CHST10: variants seen among roughly 807,000 people sequenced by gnomAD.
CHST10 encodes carbohydrate sulfotransferase 10.
In CHST10, 24 loss-of-function variants were observed where a neutral mutation model predicts 34.7. The observed-to-expected ratio is 0.69, with a 90% confidence interval of 0.50 to 0.97. CHST10 has a LOEUF of 0.97. Ranked by LOEUF, CHST10 falls within the 50% of genes least tolerant of loss-of-function variation. The pLI is 0.00. For synonymous variants in CHST10, 161 were observed against 169.3 expected, an observed-to-expected ratio of 0.95 and a Z score of 0.38; for missense variants, 402 against 452.1, an observed-to-expected ratio of 0.89 and a Z score of 1.00.
rs6759686 is a variant in CHST10, at chr2:100,393,026, G to T, written c.*219C>A. On this transcript the variant is annotated 3_prime_UTR_variant, in exon 7 of 7. Coordinates refer to ENST00000264249, the MANE Select transcript of CHST10 (RefSeq NM_004854.5). ...AAAGGCCAGCGACATCCTAATGCAC[G>T]CAGGGGTGTGGGCAGGGTCCTCAGA... The T allele has an allele frequency of 0.014, 8,030 of 584,944 alleles. 479 individuals are homozygous for T. The highest frequency in any genetic ancestry group is 0.13 in the African/African-American group (7,072 of 53,642). 36.2% of individuals were successfully genotyped at this position (584,944 alleles called of 1,614,324 possible). A position where few individuals can be genotyped will look rare whatever the true frequency, so the allele number is the denominator to read the frequency against.
chr2:100,402,901 G>T (rs1675407943), intron 3 of CHST10, among the ~76,000 whole-genome samples: 1 of 152,160 alleles, frequency 6.6e-6, no homozygotes, highest in Non-Finnish European at 1.5e-5. Context: ...ACTCAAAGTG[G>T]ATCACAGACC....
In CHST10 at chr2:100,393,311, C is replaced by A. The variant is rs753016336; in HGVS notation, c.1005G>T (p.Leu335=). The A allele has an allele frequency of 6.2e-7, 1 of 1,614,214 alleles. No individual in the cohort carries two copies. Among genetic ancestry groups the A allele is most frequent in the South Asian group, 1.1e-5 (1 of 91,084 alleles). The change falls in exon 7 of 7, where the codon CTG becomes CTT. Residue 335 remains leucine, a synonymous_variant. Transcript: ENST00000264249. ...TAAAGTCCCCTTCGAAACGGGCATA[C>A]AGGCGTCGGATGTCTCGTTTGCTGA... ...LGISKRDIRR[L]YARFEGDFKL... is the part of the protein sequence containing the mutation.
chr2:100,415,002 G>A, intron 2 of CHST10, 39 bp downstream of exon 2: 1 of 1,268,364 alleles, frequency 7.9e-7, no homozygotes, highest in Non-Finnish European at 1.0e-6. Flanking sequence ...TGAATGGCAT[G>A]CTCAAATAAC....
In CHST10 at chr2:100,417,629, A is replaced by ACGCGGCCCCCTCG. The variant is rs1420483717; in HGVS notation, c.-372_-360dup. 4 of 150,746 alleles carry ACGCGGCCCCCTCG rather than the reference A, an allele frequency of 2.7e-5. No homozygotes were observed. The highest frequency in any genetic ancestry group is 9.7e-5 in the African/African-American group (4 of 41,226). 9.3% of individuals were successfully genotyped at this position (150,746 alleles called of 1,614,324 possible). A position where few individuals can be genotyped will look rare whatever the true frequency, so the allele number is the denominator to read the frequency against. ...GGGGCCAGAACGCCGGCACCGCCTC[A>ACGCGGCCCCCTCG]CGCGGCCCCCTCGCGCCTATCCGGC... On this transcript the variant is annotated 5_prime_UTR_variant, in exon 1 of 7. Transcript: ENST00000264249.
At position 100,393,081 on chromosome 2, in the gene CHST10, G is replaced by T. The variant is rs1029600547; in HGVS notation, c.*164C>A. 3.0e-6 allele frequency: 2 copies of T among 673,050 alleles called. No individual in the cohort carries two copies. The highest frequency in any genetic ancestry group is 5.1e-6 in the Non-Finnish European group (2 of 395,874). 41.7% of individuals were successfully genotyped at this position (673,050 alleles called of 1,614,324 possible). A position where few individuals can be genotyped will look rare whatever the true frequency, so the allele number is the denominator to read the frequency against. On this transcript the variant is annotated 3_prime_UTR_variant, in exon 7 of 7. Transcript: ENST00000264249. Reference sequence around the variant, plus strand: ...CTTACATCCAAACTAAGTTGTAACAGTTGGGGTTCTGCGTCATATGCCGAG... The same window carrying T: ...CTTACATCCAAACTAAGTTGTAACATTTGGGGTTCTGCGTCATATGCCGAG...
At chr2:100,395,392 G>T in intron 6 of CHST10, 117 bp downstream of exon 6, 1 of 789,494 alleles carries the variant, frequency 1.3e-6, no homozygotes, top group Non-Finnish European at 2.1e-6. Context: ...CAAACCGACA[G>T]CCCTCTGTGG....
intron 6 of CHST10, 105 bp downstream of exon 6, chr2:100,395,404 C>T: frequency 1.1e-6 from 1 of 939,362 alleles, no homozygotes; most frequent in Non-Finnish European, 1.6e-6. Flanking sequence ...CCTCTGTGGT[C>T]CTCCGATCAA....
rs747588925 is a variant in CHST10 at position 100,398,160 on chromosome 2, C to A, written c.193-18G>T. 6.3e-7 allele frequency: 1 copy of A among 1,587,664 alleles called. No individual in the cohort carries two copies. On this transcript the variant is annotated intron_variant, in intron 4 of 6. Transcript: ENST00000264249. ...CCAGTTGGCTGCAGGTGACACAGAG[C>A]AGAAGAGGCCCAGGGACCATTAAAG... is the stretch of plus-strand genomic sequence containing the variant.
chr2:100,411,518 C>T (rs1675840940), intron 2 of CHST10, among the ~76,000 whole-genome samples: 1 of 152,230 alleles, frequency 6.6e-6, no homozygotes, highest in African/African-American at 2.4e-5. Context: ...ATACCCACTT[C>T]CCTCAGGTCC....
chr2:100,410,088 T>C (rs1199366088), intron 2 of CHST10, among the ~76,000 whole-genome samples: 1 of 152,168 alleles, frequency 6.6e-6, no homozygotes, highest in Non-Finnish European at 1.5e-5. Flanking sequence ...CCCAGGCCCC[T>C]ATCAGCATTT....
intron 4 of CHST10, among the ~76,000 whole-genome samples, chr2:100,398,428 G>A (rs560579444): frequency 1.7e-4 from 26 of 152,184 alleles, no homozygotes; most frequent in African/African-American, 6.0e-4. Context: ...AAATAAGGCC[G>A]GGCACAGTGG....
intron 4 of CHST10, among the ~76,000 whole-genome samples, chr2:100,401,804 C>A (rs748686947): frequency 6.6e-6 from 1 of 152,178 alleles, no homozygotes; most frequent in Non-Finnish European, 1.5e-5. Context: ...AATTTATCAT[C>A]CTTACACTGT....
intron 1 of CHST10, chr2:100,416,261 T>C (rs1213212197): frequency 6.6e-6 from 1 of 152,244 alleles, no homozygotes; most frequent in Non-Finnish European, 1.5e-5. Context: ...TGAAAAATGA[T>C]CCGAATATAA....
intron 2 of CHST10, chr2:100,408,523 G>A (rs1675681957): frequency 6.6e-6 from 1 of 152,098 alleles, no homozygotes; most frequent in Non-Finnish European, 1.5e-5. Flanking sequence ...AGACAATGTA[G>A]ACAAAAAACC....
At chr2:100,403,910 T>G (rs1415472442) in intron 3 of CHST10, among the ~76,000 whole-genome samples, 2 of 152,194 alleles carry the variant, frequency 1.3e-5, no homozygotes, top group Non-Finnish European at 2.9e-5. Context: ...GGACACACTC[T>G]CTAAAGCACA....
intron 4 of CHST10, among the ~76,000 whole-genome samples, chr2:100,402,077 C>T (rs1440612791): frequency 1.3e-5 from 2 of 152,230 alleles, no homozygotes; most frequent in Non-Finnish European, 2.9e-5. Context: ...GGGTGGAAGT[C>T]AGCAGCCTTG....
chr2:100,417,186 A>G (rs1676102134), intron 1 of CHST10, 188 bp downstream of exon 1: 1 of 598,162 alleles, frequency 1.7e-6, no homozygotes, highest in Non-Finnish European at 2.7e-6. Context: ...TTCTTATTGC[A>G]TAATTAACGC....
At position 100,406,048 on chromosome 2, in the gene CHST10, G is replaced by A. The variant is rs138844470; in HGVS notation, c.100+528C>T. ...AGACCCAATTTGGCGCTCTTTATCC[G>A]TCCTCATCTGAATGCCTACGTTCAG... On this transcript the variant is annotated intron_variant, in intron 3 of 6. Transcript: ENST00000264249. Among the ~76,000 whole-genome samples, 14 of 152,272 alleles carry A rather than the reference G, an allele frequency of 9.2e-5. No individual in the cohort carries two copies. In the East Asian group the frequency reaches 1.2e-3, roughly 13 times the overall value.
At chr2:100,405,188 C>T (rs980828161) in intron 3 of CHST10, among the ~76,000 whole-genome samples, 1 of 152,348 alleles carries the variant, frequency 6.6e-6, no homozygotes, top group Admixed American at 6.5e-5. Flanking sequence ...CTCCAAGAAT[C>T]GACCCTTGCT....
Sources: gnomAD v4.1 joint callset for allele counts (sites outside exome capture counted in the v4.1 genomes callset) on GRCh38, gnomAD v4.1.1 for gene constraint, MANE v1.5 for transcripts, NCBI Gene and HGNC (gene_info 2026-07-23, HGNC 2026-07-21) for gene names.